ZHX2: variants seen among roughly 807,000 people sequenced by gnomAD.
The protein encoded by ZHX2 is zinc fingers and homeoboxes 2, also known as zinc fingers and homeoboxes protein 2.
Under a neutral mutation model 21.9 loss-of-function variants are expected in ZHX2, and 6 were observed. That is an observed-to-expected ratio of 0.27 (90% CI 0.15 to 0.54). ZHX2 has a LOEUF of 0.54. Among genes scored for constraint, ZHX2 ranks in the 20% least tolerant of loss-of-function variants. ZHX2 has a pLI of 0.95. For missense variants in ZHX2, 908 were observed against 1,090.7 expected (o/e 0.83, Z 2.36); for synonymous variants, 434 against 437.1 (o/e 0.99, Z 0.09).
chr8:122,935,167 T>TA (rs5894648), intron 2 of ZHX2, among the ~76,000 whole-genome samples: 3 of 151,978 alleles, frequency 2.0e-5, no homozygotes, highest in Non-Finnish European at 4.4e-5. Context: ...CTTTTTTTTT[T>TA]ATCTATTTGA....
At chr8:122,911,363 T>C (rs1820476708) in intron 2 of ZHX2, among the ~76,000 whole-genome samples, 2 of 152,056 alleles carry the variant, frequency 1.3e-5, no homozygotes, top group African/African-American at 4.8e-5. Flanking sequence ...CCCCTCCCTG[T>C]CCTGCAGAGG....
intron 1 of ZHX2, among the ~76,000 whole-genome samples, chr8:122,827,470 T>C (rs960223191): frequency 6.6e-6 from 1 of 152,234 alleles, no homozygotes; most frequent in Non-Finnish European, 1.5e-5. Flanking sequence ...GGACATGTAT[T>C]AGATCACTTA....
In ZHX2 at chr8:122,883,254, T is replaced by A. The variant is rs1046805229; in HGVS notation, c.-220+19715T>A. Among the ~76,000 whole-genome samples, 3 of 152,198 alleles carry A rather than the reference T, an allele frequency of 2.0e-5. No homozygotes were observed. In the East Asian group the frequency reaches 5.8e-4, roughly 29 times the overall value. ...CATTTGCTGTTCCCTATGTGTGCAA[T>A]GCTCGACCTGAGCCCGGGTTCCCTG... On this transcript the variant is annotated intron_variant, in intron 2 of 3. Transcript: ENST00000314393.
chr8:122,869,491 C>T (rs1819379696), intron 2 of ZHX2, among the ~76,000 whole-genome samples: 1 of 152,174 alleles, frequency 6.6e-6, no homozygotes. Context: ...TCAGACTCTT[C>T]CCGCCTGAGG....
intron 2 of ZHX2, among the ~76,000 whole-genome samples, chr8:122,872,468 G>A (rs1819464501): frequency 6.6e-6 from 1 of 152,176 alleles, no homozygotes. Flanking sequence ...TCCACTATTA[G>A]GAGTGGACTC....
At position 122,952,897 on chromosome 8, in the gene ZHX2, T is replaced by C; in HGVS notation, c.1387T>C (p.Phe463Leu). The C allele has an allele frequency of 6.2e-7, 1 of 1,614,156 alleles. No individual in the cohort carries two copies. Among genetic ancestry groups the C allele is most frequent in the South Asian group, 1.1e-5 (1 of 91,086 alleles). The change falls in exon 3 of 4, where the codon TTC becomes CTC. Residue 463 changes from phenylalanine (F) to leucine (L), a missense_variant. Around this residue, in one of 4 missense-constraint regions of ZHX2, gnomAD observed 232 missense variants for 361.8 expected, o/e 0.64. Transcript: ENST00000314393. The surrounding 1 kb of genome is among the most constrained non-coding windows in gnomAD (Gnocchi z 6.9). ...CAAGGCCAGCTTTCTCCAGAGCCAG[T>C]TCCCTGACGATGCCGAGGTTTACCG... ...HLKASFLQSQ[F>L]PDDAEVYRLI... is the part of the protein sequence containing the mutation.
chr8:122,878,029 G>A (rs1435568325), intron 2 of ZHX2, among the ~76,000 whole-genome samples: 1 of 152,094 alleles, frequency 6.6e-6, no homozygotes, highest in East Asian at 1.9e-4. Flanking sequence ...CCTCCTATCA[G>A]GATTTCACTG....
chr8:122,893,121 TTG>T (rs968326945), intron 2 of ZHX2, among the ~76,000 whole-genome samples: 14 of 152,190 alleles, frequency 9.2e-5, no homozygotes, highest in African/African-American at 3.4e-4. Context: ...GGTTTTTGTT[TTG>T]TTTTTTTTCT....
chr8:122,830,970 G>C (rs1405322870), intron 1 of ZHX2, among the ~76,000 whole-genome samples: 1 of 152,188 alleles, frequency 6.6e-6, no homozygotes, highest in African/African-American at 2.4e-5. Flanking sequence ...AACGATTGAG[G>C]CCTGTAGGGT....
At chr8:122,880,848 AC>A (rs1819698332) in intron 2 of ZHX2, among the ~76,000 whole-genome samples, 1 of 151,606 alleles carries the variant, frequency 6.6e-6, no homozygotes, top group Non-Finnish European at 1.5e-5. Context: ...TCCAGGTAAC[AC>A]CCTGGACATT....
At chr8:122,788,298 C>A (rs1817440352) in intron 1 of ZHX2, among the ~76,000 whole-genome samples, 1 of 152,236 alleles carries the variant, frequency 6.6e-6, no homozygotes, top group Non-Finnish European at 1.5e-5. Flanking sequence ...TGGCTCACGC[C>A]TGTAATCCCA....
At chr8:122,907,768 AG>A (rs374429445) in intron 2 of ZHX2, among the ~76,000 whole-genome samples, 10 of 152,146 alleles carry the variant, frequency 6.6e-5, no homozygotes, top group African/African-American at 2.2e-4. Flanking sequence ...GAGCATTGTG[AG>A]GATTAAATGA....
At chr8:122,876,180 C>A (rs575889145) in intron 2 of ZHX2, among the ~76,000 whole-genome samples, 26 of 149,990 alleles carry the variant, frequency 1.7e-4, no homozygotes, top group Non-Finnish European at 3.6e-4. Flanking sequence ...CAACACAGCA[C>A]CAGGAACTCA....
At chr8:122,787,380 TAA>T (rs1486728641) in intron 1 of ZHX2, among the ~76,000 whole-genome samples, 2 of 152,230 alleles carry the variant, frequency 1.3e-5, no homozygotes, top group African/African-American at 2.4e-5. Context: ...ATTTAACACA[TAA>T]CAGAATCTGC....
chr8:122,793,256 G>A (rs1483655484), intron 1 of ZHX2, among the ~76,000 whole-genome samples: 1 of 152,168 alleles, frequency 6.6e-6, no homozygotes, highest in Non-Finnish European at 1.5e-5. Flanking sequence ...TAGGTTGAGG[G>A]ACAGCTATGA....
chr8:122,815,104 AG>A (rs1563739548), intron 1 of ZHX2, among the ~76,000 whole-genome samples: 1 of 152,186 alleles, frequency 6.6e-6, no homozygotes, highest in Admixed American at 6.5e-5. Flanking sequence ...GGTATATGAA[AG>A]GGGTTCATAA....
At chr8:122,849,534 G>A (rs547252201) in intron 1 of ZHX2, among the ~76,000 whole-genome samples, 2 of 152,044 alleles carry the variant, frequency 1.3e-5, no homozygotes, top group African/African-American at 4.8e-5. Context: ...GCCTCTTCTG[G>A]CTTCGGGTGC....
chr8:122,880,116 G>T (rs142856612), intron 2 of ZHX2, among the ~76,000 whole-genome samples: 1 of 151,826 alleles, frequency 6.6e-6, no homozygotes, highest in African/African-American at 2.4e-5. Flanking sequence ...GGGATTACAG[G>T]TGCCGCCACC....
chr8:122,864,962 G>A (rs1336214608), intron 2 of ZHX2, among the ~76,000 whole-genome samples: 5 of 152,168 alleles, frequency 3.3e-5, no homozygotes, highest in Admixed American at 1.3e-4. Context: ...TGAGGGCAGG[G>A]CTCTGTGGGA....
Sources: allele counts gnomAD v4.1 joint callset (sites outside exome capture counted in the v4.1 genomes callset), GRCh38; gene constraint gnomAD v4.1.1; regional missense constraint gnomAD v4.1.1; non-coding constraint Gnocchi (gnomAD v3.1); transcripts MANE v1.5; gene names NCBI Gene and HGNC (gene_info 2026-07-23, HGNC 2026-07-21).